MLLT3: variants seen among roughly 807,000 people sequenced by gnomAD.
MLLT3 encodes protein AF-9.
A neutral mutation model predicts 53.2 loss-of-function variants in MLLT3; 4 were observed. The ratio of observed to expected loss-of-function variants is 0.08; its 90% CI spans 0.04 to 0.17. The LOEUF is 0.17. MLLT3 is among the 10% of genes least tolerant of loss of function. MLLT3 has a pLI of 1.00. For synonymous variants in MLLT3, 283 were observed against 230.6 expected (o/e 1.23, Z -2.06); for missense variants, 569 against 684.0 (o/e 0.83, Z 1.87).
chr9:20,362,166 C>G (rs1019809951), intron 7 of MLLT3, among the ~76,000 whole-genome samples: 1 of 152,128 alleles, frequency 6.6e-6, no homozygotes, highest in African/African-American at 2.4e-5. Flanking sequence ...CACGGTCAGG[C>G]AGGGAACAAG....
chr9:20,556,334 G>T (rs1052869852), intron 2 of MLLT3, among the ~76,000 whole-genome samples: 42 of 152,020 alleles, frequency 2.8e-4, no homozygotes, highest in African/African-American at 8.9e-4. Context: ...ACATAAGTAT[G>T]ACATGATAAT....
chr9:20,503,510 G>A (rs868852353), intron 2 of MLLT3, among the ~76,000 whole-genome samples: 5 of 152,052 alleles, frequency 3.3e-5, no homozygotes, highest in African/African-American at 1.2e-4. Flanking sequence ...AATGAAATTC[G>A]ACCCTTACTT....
chr9:20,417,442 AT>A (rs902185738), intron 4 of MLLT3, among the ~76,000 whole-genome samples: 1 of 150,186 alleles, frequency 6.7e-6, no homozygotes, highest in Non-Finnish European at 1.5e-5. Flanking sequence ...GGCTTTTTAA[AT>A]TTTTCAATTA....
At chr9:20,602,176 C>T (rs1820441006) in intron 2 of MLLT3, among the ~76,000 whole-genome samples, 1 of 152,024 alleles carries the variant, frequency 6.6e-6, no homozygotes, top group Non-Finnish European at 1.5e-5. Context: ...GAACTTCTTC[C>T]CGCTAACTCG....
intron 2 of MLLT3, among the ~76,000 whole-genome samples, chr9:20,509,463 T>A (rs924586294): frequency 1.3e-5 from 2 of 152,224 alleles, no homozygotes; most frequent in Non-Finnish European, 2.9e-5. Context: ...TTTAAGTCAT[T>A]GAAACACCCA....
chr9:20,582,295 G>C (rs1360866230), intron 2 of MLLT3, among the ~76,000 whole-genome samples: 1 of 152,062 alleles, frequency 6.6e-6, no homozygotes, highest in South Asian at 2.1e-4. Flanking sequence ...AGTTCTATGG[G>C]TTTTGACAAA....
chr9:20,395,794 G>A (rs1822307483), intron 5 of MLLT3, among the ~76,000 whole-genome samples: 1 of 152,120 alleles, frequency 6.6e-6, no homozygotes, highest in African/African-American at 2.4e-5. Flanking sequence ...TACATTACAT[G>A]CCCTCCGATA....
At chr9:20,596,989 G>C (rs932689859) in intron 2 of MLLT3, among the ~76,000 whole-genome samples, 2 of 152,112 alleles carry the variant, frequency 1.3e-5, no homozygotes, top group Non-Finnish European at 1.5e-5. Context: ...TAGTTTCACA[G>C]CACAAATTTC....
At position 20,341,686 on chromosome 9, in the gene MLLT3, T is replaced by A. The variant is rs1386801350; in HGVS notation, c.*4757A>T. Reference sequence around the variant, plus strand: ...TTCCTTGGTTATTTACCAAACTGAATGTATTTTATTCTCTTTGTTGTAGTA... The same window carrying A: ...TTCCTTGGTTATTTACCAAACTGAAAGTATTTTATTCTCTTTGTTGTAGTA... On this transcript the variant is annotated 3_prime_UTR_variant, in exon 11 of 11. Transcript: ENST00000380338. The A allele has an allele frequency of 5.5e-6, 1 of 181,366 alleles. No individual in the cohort carries two copies. The highest frequency in any genetic ancestry group is 1.2e-5 in the Non-Finnish European group (1 of 85,058). The allele number at this position is 181,366 out of a possible 1,614,324, so 11.2% of individuals were successfully genotyped here.
chr9:20,533,157 C>T (rs565381401), intron 2 of MLLT3: 44 of 280,446 alleles, frequency 1.6e-4, no homozygotes, highest in East Asian at 2.8e-4. Flanking sequence ...CCTGCACCAC[C>T]GTCACCTTTA....
chr9:20,488,531 C>T (rs191776949), intron 2 of MLLT3, among the ~76,000 whole-genome samples: 44 of 152,260 alleles, frequency 2.9e-4, no homozygotes, highest in African/African-American at 1.0e-3. Flanking sequence ...TGATTACAGA[C>T]TAATGACATC....
intron 2 of MLLT3, among the ~76,000 whole-genome samples, chr9:20,618,995 G>C (rs1013539727): frequency 6.6e-6 from 1 of 152,138 alleles, no homozygotes; most frequent in Non-Finnish European, 1.5e-5. Context: ...CCAAGTAGTA[G>C]TAATAATGTG....
intron 2 of MLLT3, among the ~76,000 whole-genome samples, chr9:20,518,539 C>T (rs1045879934): frequency 2.0e-5 from 3 of 152,192 alleles, no homozygotes; most frequent in East Asian, 1.9e-4. Flanking sequence ...AGATATCACG[C>T]AATCTCAAAG....
At position 20,620,291 on chromosome 9, in the gene MLLT3, A is replaced by ACG. The variant is rs1253221653; in HGVS notation, c.193+362_193+363insCG. ...CACACACACACACACACACACACAC[A>ACG]CACGCGCAAAGTGTTTATTCCCTCC... On this transcript the variant is annotated intron_variant, in intron 2 of 10. Coordinates refer to ENST00000380338, the MANE Select transcript of MLLT3 (RefSeq NM_004529.4). This position sits in a 1 kb window ranked among gnomAD's most constrained non-coding sequence, Gnocchi z 6.1. 2.1e-3 allele frequency among the ~76,000 whole-genome samples: 302 copies of ACG among 140,952 alleles called. 1 individual carries two copies. The highest frequency in any genetic ancestry group is 6.9e-3 in the African/African-American group (261 of 37,622). The allele number at this position is 140,952 out of a possible 152,430, so 92.5% of individuals were successfully genotyped here.
At position 20,360,851 on chromosome 9, in the gene MLLT3, AAC is replaced by A; in HGVS notation, c.1332-12_1332-11del. On this transcript the variant is annotated splice_polypyrimidine_tract_variant and intron_variant, in intron 7 of 10. Transcript: ENST00000380338. ...ATCACTTAAGCTAACTCTGAAAAGA[AAC>A]AGACAAGTTATGCACATCATTACAA... is the stretch of plus-strand genomic sequence containing the variant. 2 of 1,609,416 alleles carry A rather than the reference AAC, an allele frequency of 1.2e-6. No individual in the cohort carries two copies. The highest frequency in any genetic ancestry group is 1.7e-6 in the Non-Finnish European group (2 of 1,175,694).
At chr9:20,549,021 C>T (rs987346423) in intron 2 of MLLT3, among the ~76,000 whole-genome samples, 6 of 151,946 alleles carry the variant, frequency 3.9e-5, no homozygotes, top group Non-Finnish European at 1.5e-5. Flanking sequence ...CACCATGTTG[C>T]CCAGGTGGGT....
chr9:20,540,554 G>C (rs557127751), intron 2 of MLLT3, among the ~76,000 whole-genome samples: 1 of 152,352 alleles, frequency 6.6e-6, no homozygotes, highest in African/African-American at 2.4e-5. Context: ...GCCCCTTTTA[G>C]CCATGGCTGG....
At chr9:20,447,185 A>C (rs1277406499) in intron 4 of MLLT3, among the ~76,000 whole-genome samples, 1 of 152,186 alleles carries the variant, frequency 6.6e-6, no homozygotes, top group East Asian at 1.9e-4. Context: ...TGTGCCACAA[A>C]AAAACCACCT....
At chr9:20,547,010 G>A (rs1818805789) in intron 2 of MLLT3, among the ~76,000 whole-genome samples, 1 of 152,174 alleles carries the variant, frequency 6.6e-6, no homozygotes, top group Non-Finnish European at 1.5e-5. Context: ...AACACCCCAT[G>A]TCTTGTTTGC....
Sources: gnomAD v4.1 joint callset for allele counts (sites outside exome capture counted in the v4.1 genomes callset) on GRCh38, gnomAD v4.1.1 for gene constraint, Gnocchi (gnomAD v3.1) non-coding constraint, MANE v1.5 for transcripts, NCBI Gene and HGNC (gene_info 2026-07-23, HGNC 2026-07-21) for gene names.